The following ATP6V1H variants were observed in gnomAD, a reference collection of about 807,000 sequenced individuals.
ATP6V1H encodes V-type proton ATPase subunit H.
In ATP6V1H, 39 loss-of-function variants were observed where a neutral mutation model predicts 71.7. The ratio of observed to expected loss-of-function variants is 0.54; its 90% CI spans 0.42 to 0.71. The LOEUF (loss-of-function observed/expected upper bound fraction) is 0.71. Among genes scored for constraint, ATP6V1H ranks in the 30% least tolerant of loss-of-function variants. The probability of loss-of-function intolerance (pLI) is 0.00; values close to 1 mark genes in which losing one functional copy is unlikely to be tolerated. For missense variants in ATP6V1H, 509 were observed against 594.9 expected, an observed-to-expected ratio of 0.86 and a Z score of 1.50; for synonymous variants, 192 against 199.3, an observed-to-expected ratio of 0.96 and a Z score of 0.31.
chr8:53,716,688 C>T, intron 13 of ATP6V1H, among the ~76,000 whole-genome samples: 1 of 152,182 alleles, frequency 6.6e-6, no homozygotes, highest in East Asian at 1.9e-4. Flanking sequence ...CAATGGGGCT[C>T]AGAGCAGTGG....
chr8:53,786,539 A>G (rs1159479822), intron 9 of ATP6V1H, among the ~76,000 whole-genome samples: 1 of 152,136 alleles, frequency 6.6e-6, no homozygotes, highest in African/African-American at 2.4e-5. Context: ...CGCTGCACAC[A>G]CTGTCTGGCA....
intron 13 of ATP6V1H, among the ~76,000 whole-genome samples, chr8:53,731,095 C>A (rs994564574): frequency 1.3e-5 from 2 of 152,228 alleles, no homozygotes; most frequent in Non-Finnish European, 2.9e-5. Flanking sequence ...AGTTCCACTT[C>A]TGACAACACT....
At chr8:53,811,433 A>G (rs532104298) in intron 6 of ATP6V1H, among the ~76,000 whole-genome samples, 34 of 152,322 alleles carry the variant, frequency 2.2e-4, no homozygotes, top group Admixed American at 1.2e-3. Flanking sequence ...TTAATCAGTA[A>G]GTAGCTAAAA....
intron 12 of ATP6V1H, among the ~76,000 whole-genome samples, chr8:53,747,106 G>A (rs1807628944): frequency 6.6e-6 from 1 of 152,030 alleles, no homozygotes; most frequent in African/African-American, 2.4e-5. Context: ...TTGTTCTAAA[G>A]GTCTTTTTCT....
chr8:53,835,090 G>C (rs1329932266), intron 2 of ATP6V1H, among the ~76,000 whole-genome samples: 1 of 152,210 alleles, frequency 6.6e-6, no homozygotes, highest in Non-Finnish European at 1.5e-5. Flanking sequence ...AGAAGTTGCA[G>C]TGGGCTGAAA....
In ATP6V1H at chr8:53,815,105, C is replaced by T. The variant is rs150336375; in HGVS notation, c.421-339G>A. Among the ~76,000 whole-genome samples the T allele has an allele frequency of 2.3e-3, 344 of 152,250 alleles. 2 individuals carry two copies. Among genetic ancestry groups the T allele is most frequent in the African/African-American group, 7.9e-3 (328 of 41,552 alleles). The stretch of plus-strand genomic sequence containing the variant: ...ATCTTTCTTAGAAGCAGACTGTCAC[C>T]AAACCACTTGCCAGAATTCTAAGCA... On this transcript the variant is annotated intron_variant, in intron 5 of 13. Coordinates refer to ENST00000359530, the MANE Select transcript of ATP6V1H (RefSeq NM_015941.4).
At chr8:53,818,655 G>A (rs769679498) in intron 4 of ATP6V1H, among the ~76,000 whole-genome samples, 62 of 152,024 alleles carry the variant, frequency 4.1e-4, no homozygotes, top group African/African-American at 1.3e-3. Context: ...AAATCTTTCC[G>A]GTCAGGTACA....
chr8:53,841,517 A>G (rs1811342517), intron 2 of ATP6V1H, 61 bp downstream of exon 2: 4 of 1,546,880 alleles, frequency 2.6e-6, no homozygotes. Context: ...AAGCATGACC[A>G]TGAAAAAGTC....
intron 13 of ATP6V1H, among the ~76,000 whole-genome samples, chr8:53,719,854 C>T (rs549073332): frequency 6.6e-6 from 1 of 152,304 alleles, no homozygotes; most frequent in East Asian, 1.9e-4. Context: ...GCCTGGCTTC[C>T]AGTAAGAGCT....
intron 9 of ATP6V1H, among the ~76,000 whole-genome samples, chr8:53,777,798 A>G (rs149749310): frequency 1.5e-3 from 226 of 152,328 alleles, no homozygotes; most frequent in African/African-American, 5.2e-3. Flanking sequence ...CATTTGGCCC[A>G]TAGGCTTCCA....
intron 4 of ATP6V1H, among the ~76,000 whole-genome samples, chr8:53,827,295 A>T (rs1160565856): frequency 6.6e-6 from 1 of 152,020 alleles, no homozygotes; most frequent in Non-Finnish European, 1.5e-5. Flanking sequence ...AGGCAGGAGA[A>T]TCACTTGAAC....
At chr8:53,783,592 C>T (rs200138572) in intron 9 of ATP6V1H, among the ~76,000 whole-genome samples, 30 of 152,114 alleles carry the variant, frequency 2.0e-4, no homozygotes, top group East Asian at 1.7e-3. Context: ...AGCTTTTCAA[C>T]GTGTTTGCTC....
At chr8:53,790,518 G>A (rs1479314409) in intron 9 of ATP6V1H, among the ~76,000 whole-genome samples, 1 of 152,192 alleles carries the variant, frequency 6.6e-6, no homozygotes, top group Non-Finnish European at 1.5e-5. Flanking sequence ...ATTATCATGT[G>A]AGTATCAACA....
Position 53,834,582 on chromosome 8 carries a change from C to T in ATP6V1H, c.114-1496G>A, listed in dbSNP as rs528667864. Among the ~76,000 whole-genome samples, 16 of 152,176 alleles carry T rather than the reference C, an allele frequency of 1.1e-4. No homozygotes were observed. In the South Asian group the frequency reaches 2.1e-3, roughly 20 times the overall value. ...CTGGGACTACAGGCCCATGCCACCACGCCCAGCTAATTTTTTTATTTTTAG... is the reference window on the plus strand; with the variant it reads ...CTGGGACTACAGGCCCATGCCACCATGCCCAGCTAATTTTTTTATTTTTAG... On this transcript the variant is annotated intron_variant, in intron 2 of 13. Coordinates refer to ENST00000359530, the MANE Select transcript of ATP6V1H (RefSeq NM_015941.4).
intron 9 of ATP6V1H, among the ~76,000 whole-genome samples, chr8:53,774,095 G>A (rs1448934310): frequency 5.3e-5 from 8 of 152,094 alleles, no homozygotes; most frequent in Non-Finnish European, 1.5e-5. Context: ...AAGAGAATGG[G>A]GCTGATATTT....
chr8:53,804,871 T>G lies in ATP6V1H; in HGVS notation c.580-2975A>C, dbSNP rs73680311. 5.2e-3 allele frequency among the ~76,000 whole-genome samples: 785 copies of G among 152,348 alleles called. 6 individuals are homozygous for G. The highest frequency in any genetic ancestry group is 0.018 in the African/African-American group (744 of 41,584). On this transcript the variant is annotated intron_variant, in intron 7 of 13. Coordinates refer to ENST00000359530, the MANE Select transcript of ATP6V1H (RefSeq NM_015941.4). ...TCAACACATTTAAGAGAATGTCATT[T>G]AGATAAATTCTTCAATGTTGCTGAA...
At chr8:53,750,222 C>G (rs1776816569) in intron 12 of ATP6V1H, among the ~76,000 whole-genome samples, 1 of 152,084 alleles carries the variant, frequency 6.6e-6, no homozygotes, top group African/African-American at 2.4e-5. Flanking sequence ...GCTCTCCACC[C>G]AATCTTACGA....
chr8:53,785,048 G>A (rs1809321745), intron 9 of ATP6V1H, among the ~76,000 whole-genome samples: 1 of 152,082 alleles, frequency 6.6e-6, no homozygotes, highest in African/African-American at 2.4e-5. Context: ...GTATCCTTGT[G>A]GCGTTCTCTG....
At chr8:53,738,516 G>A (rs1207057272) in intron 13 of ATP6V1H, among the ~76,000 whole-genome samples, 1 of 152,110 alleles carries the variant, frequency 6.6e-6, no homozygotes, top group East Asian at 1.9e-4. Flanking sequence ...TTAGGTACCT[G>A]TTTGTCTACA....
Sources: allele counts gnomAD v4.1 joint callset (sites outside exome capture counted in the v4.1 genomes callset), GRCh38; gene constraint gnomAD v4.1.1; transcripts MANE v1.5; gene names NCBI Gene and HGNC (gene_info 2026-07-23, HGNC 2026-07-21).